The following KDM4C variants were observed in gnomAD, a reference collection of about 807,000 sequenced individuals.
The protein encoded by KDM4C is lysine demethylase 4C.
Under a neutral mutation model 129.3 loss-of-function variants are expected in KDM4C, and 81 were observed. That is an observed-to-expected ratio of 0.63 (90% CI 0.52 to 0.75). The LOEUF is 0.75. Ranked by LOEUF, KDM4C falls within the 30% of genes least tolerant of loss-of-function variation. The probability of loss-of-function intolerance (pLI) is 0.00; values close to 1 mark genes in which losing one functional copy is unlikely to be tolerated. For missense variants in KDM4C, 1,457 were observed against 1,304.0 expected, an observed-to-expected ratio of 1.12 and a Z score of -1.81; for synonymous variants, 573 against 456.1, an observed-to-expected ratio of 1.26 and a Z score of -3.26.
intron 1 of KDM4C, among the ~76,000 whole-genome samples, chr9:6,743,754 G>T (rs934133134): frequency 1.3e-5 from 2 of 151,988 alleles, no homozygotes; most frequent in African/African-American, 4.8e-5. Context: ...CGATCCACCT[G>T]CCTTGGCCTC....
chr9:7,173,019 C>G (rs768085783), intron 21 of KDM4C, among the ~76,000 whole-genome samples: 2 of 152,250 alleles, frequency 1.3e-5, no homozygotes, highest in African/African-American at 4.8e-5. Flanking sequence ...TGCCCTCACT[C>G]AGCAAACACT....
At chr9:6,840,419 CAG>C (rs1185747669) in intron 4 of KDM4C, among the ~76,000 whole-genome samples, 1 of 149,548 alleles carries the variant, frequency 6.7e-6, no homozygotes, top group Non-Finnish European at 1.5e-5. Flanking sequence ...TTTTTTGAGA[CAG>C]AGTCTCACTC....
At chr9:7,166,025 A>G (rs1328012743) in intron 20 of KDM4C, among the ~76,000 whole-genome samples, 5 of 152,214 alleles carry the variant, frequency 3.3e-5, no homozygotes, top group African/African-American at 1.2e-4. Context: ...AAGGGAAACA[A>G]CATGGATAGC....
At chr9:6,903,866 T>C (rs1428769601) in intron 8 of KDM4C, among the ~76,000 whole-genome samples, 1 of 151,578 alleles carries the variant, frequency 6.6e-6, no homozygotes, top group East Asian at 1.9e-4. Context: ...TATATCTGTA[T>C]CTTTTCGAAA....
chr9:6,945,000 T>G (rs1000349519), intron 8 of KDM4C, among the ~76,000 whole-genome samples: 1 of 152,194 alleles, frequency 6.6e-6, no homozygotes, highest in Non-Finnish European at 1.5e-5. Context: ...TCAATGATTA[T>G]GCAGTGATCT....
chr9:6,729,720 C>G (rs1242098647), intron 1 of KDM4C, among the ~76,000 whole-genome samples: 4 of 134,352 alleles, frequency 3.0e-5, no homozygotes, highest in Non-Finnish European at 4.6e-5. Flanking sequence ...AATCAGATGT[C>G]TGACCCATAA....
At position 7,013,959 on chromosome 9, in the gene KDM4C, C is replaced by T; in HGVS notation, c.2140C>T (p.Leu714Phe). The T allele has an allele frequency of 6.2e-7, 1 of 1,613,948 alleles. No homozygotes were observed. Among genetic ancestry groups the T allele is most frequent in the Non-Finnish European group, 8.5e-7 (1 of 1,179,870 alleles). Residue 714 changes from leucine to phenylalanine, a missense_variant, in exon 14 of 22, where the codon CTC becomes TTC. Coordinates refer to ENST00000381309, the MANE Select transcript of KDM4C (RefSeq NM_015061.6). ...NAFLEEDGTSLLISCAKCCVR... is the reference protein window; with the variant it reads ...NAFLEEDGTSFLISCAKCCVR... ...CTTCCTTGAAGAGGATGGAACAAGTCTCCTTATTTCCTGTGCAAAGTGCTG... is the reference window on the plus strand; with the variant it reads ...CTTCCTTGAAGAGGATGGAACAAGTTTCCTTATTTCCTGTGCAAAGTGCTG...
rs375271945 is a variant in KDM4C, at chr9:7,174,744, T to C, written c.*15T>C. 2 of 1,610,466 alleles carry C rather than the reference T, an allele frequency of 1.2e-6. No homozygotes were observed. The highest frequency in any genetic ancestry group is 1.7e-6 in the Non-Finnish European group (2 of 1,177,180). On this transcript the variant is annotated 3_prime_UTR_variant, in exon 22 of 22. Coordinates refer to ENST00000381309, the MANE Select transcript of KDM4C (RefSeq NM_015061.6). The stretch of plus-strand genomic sequence containing the variant: ...AGAGACAGTAGTCTGCATACATCGC[T>C]GCAGGCCACAGAGCAGCTTGGGTTG...
intron 15 of KDM4C, 148 bp downstream of exon 15, chr9:7,016,077 G>C (rs971260579): frequency 4.0e-6 from 2 of 498,890 alleles, no homozygotes; most frequent in African/African-American, 2.0e-5. Context: ...CCTCTCAAAA[G>C]CATCTTACCT....
chr9:6,863,387 A>G (rs936864549), intron 5 of KDM4C, among the ~76,000 whole-genome samples: 3 of 152,138 alleles, frequency 2.0e-5, no homozygotes, highest in East Asian at 1.9e-4. Context: ...TTGGCTCACA[A>G]TTCTGATGTT....
intron 8 of KDM4C, among the ~76,000 whole-genome samples, chr9:6,958,416 C>CT (rs751197055): frequency 6.6e-6 from 1 of 151,890 alleles, no homozygotes; most frequent in Non-Finnish European, 1.5e-5. Context: ...GAAACCCTGT[C>CT]TCTACTAAAA....
intron 8 of KDM4C, among the ~76,000 whole-genome samples, chr9:6,946,147 A>G (rs1270762253): frequency 6.6e-6 from 1 of 152,132 alleles, no homozygotes; most frequent in Non-Finnish European, 1.5e-5. Context: ...TGGATTGGAG[A>G]TGAAGTAGTT....
At chr9:6,742,789 G>C (rs1038154968) in intron 1 of KDM4C, among the ~76,000 whole-genome samples, 2 of 151,660 alleles carry the variant, frequency 1.3e-5, no homozygotes, top group East Asian at 3.9e-4. Context: ...GGCCCTCCTT[G>C]AGGCTCCCTC....
chr9:7,151,825 C>T (rs112479213), intron 19 of KDM4C, among the ~76,000 whole-genome samples: 27 of 152,332 alleles, frequency 1.8e-4, no homozygotes, highest in African/African-American at 5.8e-4. Flanking sequence ...GCACAGAACA[C>T]GCTTAGATAC....
intron 8 of KDM4C, among the ~76,000 whole-genome samples, chr9:6,912,174 C>T (rs62535698): frequency 0.076 from 11,618 of 152,196 alleles, 651 homozygotes; most frequent in Non-Finnish European, 0.12. Context: ...TATTTCCTGC[C>T]CACCTGCCCC....
chr9:7,052,902 C>CAGCGAGT (rs1830387668), intron 17 of KDM4C, among the ~76,000 whole-genome samples: 1 of 44,066 alleles, frequency 2.3e-5, no homozygotes, highest in African/African-American at 7.3e-5. Flanking sequence ...AGAGAGAGAG[C>CAGCGAGT]GAGCGAGTGC....
chr9:6,847,546 A>T (rs113712233), intron 4 of KDM4C, among the ~76,000 whole-genome samples: 6,888 of 152,116 alleles, frequency 0.045, 229 homozygotes, highest in East Asian at 0.15. Context: ...GCCCGCCACC[A>T]GGCCTGGCTA....
intron 4 of KDM4C, among the ~76,000 whole-genome samples, chr9:6,834,143 G>T (rs1246399544): frequency 6.7e-6 from 1 of 148,970 alleles, no homozygotes; most frequent in Non-Finnish European, 1.5e-5. Context: ...GGTTCAAGCG[G>T]TTCTGGTGCC....
chr9:7,152,826 G>C (rs970593018), intron 19 of KDM4C, among the ~76,000 whole-genome samples: 1 of 152,206 alleles, frequency 6.6e-6, no homozygotes. Flanking sequence ...CAGATCAGCT[G>C]TATTCTAACA....
Sources: gnomAD v4.1 joint callset for allele counts (sites outside exome capture counted in the v4.1 genomes callset) on GRCh38, gnomAD v4.1.1 for gene constraint, MANE v1.5 for transcripts, NCBI Gene and HGNC (gene_info 2026-07-23, HGNC 2026-07-21) for gene names.